The following DNAI4 variants were observed in gnomAD, a reference collection of about 807,000 sequenced individuals.
DNAI4 encodes dynein axonemal intermediate chain 4, also known as WD repeat domain 78.
DNAI4 carries 85 observed loss-of-function variants against 105.8 expected under a neutral mutation model. That is an observed-to-expected ratio of 0.80 (90% CI 0.67 to 0.96). The LOEUF is 0.96. Ranked by LOEUF, DNAI4 falls within the 40% of genes least tolerant of loss-of-function variation. DNAI4 has a pLI of 0.00. For synonymous variants in DNAI4, 352 were observed against 331.5 expected, an observed-to-expected ratio of 1.06 and a Z score of -0.67; for missense variants, 1,014 against 1,005.6, an observed-to-expected ratio of 1.01 and a Z score of -0.11.
chr1:66,881,849 G>A (rs972308021), intron 4 of DNAI4, among the ~76,000 whole-genome samples: 12 of 152,210 alleles, frequency 7.9e-5, no homozygotes, highest in African/African-American at 2.7e-4. Flanking sequence ...ATCTTGAATT[G>A]TAACTCCCAC....
At chr1:66,841,611 T>G (rs1646150002) in intron 8 of DNAI4, among the ~76,000 whole-genome samples, 1 of 152,142 alleles carries the variant, frequency 6.6e-6, no homozygotes, top group Non-Finnish European at 1.5e-5. Context: ...GCCTAAGCAA[T>G]CCTCATGTCT....
rs1491284348 is a variant in DNAI4, at chr1:66,836,200, GAA to G, written c.1582-425_1582-424del. On this transcript the variant is annotated intron_variant, in intron 10 of 16. Coordinates refer to ENST00000371026, the MANE Select transcript of DNAI4 (RefSeq NM_024763.5). Reference sequence around the variant, plus strand: ...AGAAAGAAAGAAAGAAAGAAAGAAAGAAAGAAAGAGAGAGAGAGAGAGAGAGA... The same window carrying G: ...AGAAAGAAAGAAAGAAAGAAAGAAAGAGAAAGAGAGAGAGAGAGAGAGAGA... 2.1e-3 allele frequency among the ~76,000 whole-genome samples: 108 copies of G among 52,244 alleles called. 4 individuals are homozygous for G. The highest frequency in any genetic ancestry group is 0.012 in the Middle Eastern group (1 of 86). 34.3% of individuals were successfully genotyped at this position (52,244 alleles called of 152,430 possible). A position where few individuals can be genotyped will look rare whatever the true frequency, so the allele number is the denominator to read the frequency against.
intron 4 of DNAI4, among the ~76,000 whole-genome samples, chr1:66,886,349 G>T (rs777045101): frequency 6.6e-6 from 1 of 152,074 alleles, no homozygotes; most frequent in African/African-American, 2.4e-5. Context: ...ATGCTTGCTT[G>T]ATCTCTTGAA....
intron 7 of DNAI4, chr1:66,860,676 C>T (rs1469252206): frequency 6.6e-6 from 1 of 152,050 alleles, no homozygotes; most frequent in African/African-American, 2.4e-5. Context: ...GAAAGATTCA[C>T]AAATTGAGAT....
chr1:66,916,248 A>G (rs189239426), intron 1 of DNAI4, among the ~76,000 whole-genome samples: 12 of 152,334 alleles, frequency 7.9e-5, no homozygotes, highest in African/African-American at 2.9e-4. Context: ...AAAAACTTTT[A>G]TATGATCAAG....
At chr1:66,892,799 T>C (rs931097206) in intron 3 of DNAI4, among the ~76,000 whole-genome samples, 6 of 150,532 alleles carry the variant, frequency 4.0e-5, no homozygotes, top group Middle Eastern at 3.4e-3. Context: ...TCCCAGCTAC[T>C]TGGGAGGCTG....
At chr1:66,824,284 G>T (rs4655507) in intron 15 of DNAI4, among the ~76,000 whole-genome samples, 1 of 138,432 alleles carries the variant, frequency 7.2e-6, no homozygotes, top group Non-Finnish European at 1.6e-5. Flanking sequence ...TGTTTTGGTA[G>T]CAGTACCATG....
intron 1 of DNAI4, among the ~76,000 whole-genome samples, chr1:66,907,379 C>T (rs1447705212): frequency 1.3e-5 from 2 of 152,152 alleles, no homozygotes; most frequent in African/African-American, 4.8e-5. Context: ...CACAATTTAT[C>T]AATTGAGTCA....
intron 1 of DNAI4, among the ~76,000 whole-genome samples, chr1:66,905,918 C>CTTTTT (rs34206774): frequency 4.1e-4 from 40 of 96,394 alleles, no homozygotes; most frequent in Middle Eastern, 7.8e-3. Context: ...TTATATACTA[C>CTTTTT]TTTTTTTTTT....
At chr1:66,898,790 C>G (rs1648554908) in intron 2 of DNAI4, among the ~76,000 whole-genome samples, 3 of 152,202 alleles carry the variant, frequency 2.0e-5, no homozygotes, top group African/African-American at 7.2e-5. Context: ...AACATCTCCG[C>G]TCCCAGCCCT....
intron 4 of DNAI4, among the ~76,000 whole-genome samples, chr1:66,887,257 G>A (rs1250909635): frequency 2.0e-5 from 3 of 152,164 alleles, no homozygotes; most frequent in African/African-American, 2.4e-5. Context: ...AGTAACTCTT[G>A]GGAACTGTAT....
intron 4 of DNAI4, among the ~76,000 whole-genome samples, chr1:66,880,294 C>G (rs1003826628): frequency 6.6e-6 from 1 of 152,134 alleles, no homozygotes; most frequent in African/African-American, 2.4e-5. Flanking sequence ...GTGGAAGCAA[C>G]TTTGGAACTG....
At chr1:66,867,468 T>G (rs1384241082) in intron 6 of DNAI4, among the ~76,000 whole-genome samples, 2 of 152,218 alleles carry the variant, frequency 1.3e-5, no homozygotes, top group African/African-American at 4.8e-5. Context: ...TCCATCTCTT[T>G]GTTTTTCTTC....
intron 14 of DNAI4, 96 bp downstream of exon 14, chr1:66,827,716 T>G (rs570160250): frequency 8.4e-6 from 5 of 594,644 alleles, no homozygotes; most frequent in South Asian, 4.8e-5. Flanking sequence ...AACTCTGAAG[T>G]TGTAAATTTA....
chr1:66,913,925 A>G (rs1208580880), intron 1 of DNAI4, among the ~76,000 whole-genome samples: 3 of 150,076 alleles, frequency 2.0e-5, no homozygotes, highest in Non-Finnish European at 4.4e-5. Context: ...CGGAGGTTGC[A>G]GTGAGCCTAG....
chr1:66,828,478 A>T (rs1040941241), intron 13 of DNAI4: 1 of 152,018 alleles, frequency 6.6e-6, no homozygotes, highest in Admixed American at 6.5e-5. Flanking sequence ...TTGCCATTCT[A>T]TTAGATGTAA....
intron 1 of DNAI4, chr1:66,921,447 G>C (rs1045180502): frequency 1.3e-5 from 2 of 152,208 alleles, no homozygotes; most frequent in East Asian, 3.8e-4. Flanking sequence ...CAAACCAAAA[G>C]GTTGTAAACT....
At chr1:66,917,239 T>C (rs1400086200) in intron 1 of DNAI4, among the ~76,000 whole-genome samples, 1 of 152,228 alleles carries the variant, frequency 6.6e-6, no homozygotes, top group Non-Finnish European at 1.5e-5. Context: ...TAGTGAACGT[T>C]ATCAGTAATT....
At chr1:66,910,887 T>G (rs1246390145) in intron 1 of DNAI4, among the ~76,000 whole-genome samples, 2 of 152,204 alleles carry the variant, frequency 1.3e-5, no homozygotes, top group Non-Finnish European at 2.9e-5. Flanking sequence ...TGCTCTGCTC[T>G]CAAACCACAA....
Sources: gnomAD v4.1 joint callset for allele counts (sites outside exome capture counted in the v4.1 genomes callset) on GRCh38, gnomAD v4.1.1 for gene constraint, MANE v1.5 for transcripts, NCBI Gene and HGNC (gene_info 2026-07-23, HGNC 2026-07-21) for gene names.